The following CLCN5 variants were observed in gnomAD, a reference collection of about 807,000 sequenced individuals.
CLCN5 encodes the protein H(+)/Cl(-) exchange transporter 5.
A neutral mutation model predicts 54.0 loss-of-function variants in CLCN5; 17 were observed. The observed-to-expected ratio is 0.31, with a 90% CI of 0.22 to 0.47. The LOEUF is 0.47. Ranked by LOEUF, CLCN5 falls within the 20% of genes least tolerant of loss-of-function variation. CLCN5 has a pLI of 1.00. For missense variants in CLCN5, 448 were observed against 646.7 expected, an observed-to-expected ratio of 0.69 and a Z score of 3.33; for synonymous variants, 222 against 233.0, an observed-to-expected ratio of 0.95 and a Z score of 0.43.
chrX:50,071,079 A>G (rs1557191484), intron 5 of CLCN5, among the ~76,000 whole-genome samples: 1 of 110,091 alleles, frequency 9.1e-6, no homozygotes, highest in African/African-American at 3.3e-5. Context: ...TCCCAAGTTC[A>G]TGATTTCCTC....
chrX:50,060,627 G>A lies in CLCN5; in HGVS notation c.164-9252G>A, dbSNP rs1241014551. Among the ~76,000 whole-genome samples the A allele has an allele frequency of 1.9e-3, 206 of 111,088 alleles. 1 individual carries two copies. The highest frequency in any genetic ancestry group is 4.2e-3 in the South Asian group (11 of 2,638). ...GCTTGCTTAGGTAAACAAAGCAGCG[G>A]GGAAGCTCGAACTGGGTGGAGCCCA... On this transcript the variant is annotated intron_variant, in intron 4 of 14. Transcript: ENST00000376091.
chrX:49,937,470 G>C (rs1926060859), intron 3 of CLCN5, among the ~76,000 whole-genome samples: 1 of 111,906 alleles, frequency 8.9e-6, no homozygotes, highest in Admixed American at 9.5e-5. Flanking sequence ...TAGTGGTTGA[G>C]GTGAGAGATC....
chrX:50,040,142 C>T (rs1932162400), intron 3 of CLCN5, among the ~76,000 whole-genome samples: 1 of 112,190 alleles, frequency 8.9e-6, no homozygotes, highest in African/African-American at 3.2e-5. Context: ...GAAGCAGAAG[C>T]AGAGACAGGA....
Position 49,925,772 on chromosome X carries a change from A to G in CLCN5, c.16+458A>G, listed in dbSNP as rs372959409. 8.0e-5 allele frequency among the ~76,000 whole-genome samples: 9 copies of G among 112,356 alleles called. No homozygotes were observed. In the East Asian group the frequency reaches 8.4e-4, roughly 10 times the overall value. ...TTTGAAAGAGCATATTTAATGTTACAGTGTTTATATTTGATACAATATAAA... is the reference window on the plus strand; with the variant it reads ...TTTGAAAGAGCATATTTAATGTTACGGTGTTTATATTTGATACAATATAAA... On this transcript the variant is annotated intron_variant, in intron 3 of 14. Coordinates refer to ENST00000376091, the MANE Select transcript of CLCN5 (RefSeq NM_001127898.4).
chrX:50,004,835 G>A (rs782487651), intron 3 of CLCN5, among the ~76,000 whole-genome samples: 23 of 111,479 alleles, frequency 2.1e-4, no homozygotes, highest in African/African-American at 6.2e-4. Context: ...GCTTGAACCC[G>A]GGAGGCGGAG....
At chrX:50,002,586 CT>C (rs1929890670) in intron 3 of CLCN5, among the ~76,000 whole-genome samples, 1 of 111,138 alleles carries the variant, frequency 9.0e-6, no homozygotes, top group Non-Finnish European at 1.9e-5. Context: ...ACTAATCCAG[CT>C]TTTCCCTGGG....
At chrX:49,944,869 C>T (rs1336394939) in intron 3 of CLCN5, among the ~76,000 whole-genome samples, 2 of 111,456 alleles carry the variant, frequency 1.8e-5, no homozygotes, top group Admixed American at 1.9e-4. Flanking sequence ...AATACACCCA[C>T]TTTTATATCA....
intron 3 of CLCN5, among the ~76,000 whole-genome samples, chrX:49,938,230 T>C (rs1351754079): frequency 9.0e-6 from 1 of 111,620 alleles, no homozygotes; most frequent in African/African-American, 3.3e-5. Context: ...AATTTATAGA[T>C]TCAATGCCAT....
intron 3 of CLCN5, among the ~76,000 whole-genome samples, chrX:49,988,409 A>G (rs894333432): frequency 9.0e-6 from 1 of 111,407 alleles, no homozygotes; most frequent in African/African-American, 3.3e-5. Flanking sequence ...TGACTTCCTT[A>G]TTTATGAACC....
chrX:49,936,127 A>G (rs782799082), intron 3 of CLCN5, among the ~76,000 whole-genome samples: 9 of 111,875 alleles, frequency 8.0e-5, no homozygotes, highest in South Asian at 3.8e-4. Flanking sequence ...ACTAGATTCT[A>G]TGTAGTGATG....
chrX:50,066,000 TG>T (rs1294853727), intron 4 of CLCN5, among the ~76,000 whole-genome samples: 47 of 54,345 alleles, frequency 8.6e-4, no homozygotes, highest in Non-Finnish European at 6.5e-4. Context: ...TATCACACTC[TG>T]GGGACTGTGG....
chrX:50,038,356 T>G (rs1402613460), intron 3 of CLCN5, among the ~76,000 whole-genome samples: 2 of 111,637 alleles, frequency 1.8e-5, no homozygotes, highest in South Asian at 3.8e-4. Context: ...ATATTAACAA[T>G]GTAAAGACCT....
At chrX:50,009,398 C>G (rs1250876179) in intron 3 of CLCN5, among the ~76,000 whole-genome samples, 3 of 112,135 alleles carry the variant, frequency 2.7e-5, no homozygotes, top group Admixed American at 1.9e-4. Context: ...TCTGTACCAT[C>G]TTCCAACATG....
At chrX:49,990,690 G>A (rs955858539) in intron 3 of CLCN5, among the ~76,000 whole-genome samples, 10 of 111,655 alleles carry the variant, frequency 9.0e-5, no homozygotes, top group African/African-American at 3.3e-4. Context: ...TGCCTGCCTC[G>A]GCCTCTCAAA....
In CLCN5 at chrX:49,934,808, A is replaced by G. The variant is rs782632908; in HGVS notation, c.16+9494A>G. ...TCCCTCCTTCCCAAAGACAAGCACG[A>G]TAAGTTACATCGTTGACATCTTCTG... On this transcript the variant is annotated intron_variant, in intron 3 of 14. Transcript: ENST00000376091. 3.6e-5 allele frequency among the ~76,000 whole-genome samples: 4 copies of G among 111,821 alleles called. No homozygotes were observed. In the South Asian group the frequency reaches 1.5e-3, roughly 42 times the overall value.
In CLCN5 at chrX:50,090,683, G is replaced by A; in HGVS notation, c.2157G>A (p.Lys719=). ...DLIISIENAR[K]KQDGVVSTSI... ...CTGTTTGAATAGAAAATGCTCGAAA[G>A]AAACAGGATGGGGTTGTTAGCACTT... The change falls in exon 14 of 15, where the codon AAG becomes AAA. Residue 719 remains lysine (K), a synonymous_variant. Transcript: ENST00000376091. 8.3e-7 allele frequency: 1 copy of A among 1,208,431 alleles called. No homozygotes were observed. The highest frequency in any genetic ancestry group is 1.1e-6 in the Non-Finnish European group (1 of 893,618).
Position 49,981,712 on chromosome X carries a change from A to G in CLCN5, c.16+56398A>G, listed in dbSNP as rs1557177724. 2.9e-5 allele frequency among the ~76,000 whole-genome samples: 3 copies of G among 102,706 alleles called. No homozygotes were observed. In the South Asian group the frequency reaches 1.3e-3, roughly 45 times the overall value. The allele number at this position is 102,706 out of a possible 115,157, so 89.2% of individuals were successfully genotyped here. On this transcript the variant is annotated intron_variant, in intron 3 of 14. Coordinates refer to ENST00000376091, the MANE Select transcript of CLCN5 (RefSeq NM_001127898.4). ...TTGAACCTTTTTTTTTTTTTTTGAG[A>G]GTGAAAAGCAAAAGAACTCAGAGAA...
At chrX:50,018,737 T>A (rs1930910833) in intron 3 of CLCN5, among the ~76,000 whole-genome samples, 2 of 112,583 alleles carry the variant, frequency 1.8e-5, no homozygotes, top group African/African-American at 6.4e-5. Context: ...TTAAGCCTGT[T>A]AATATGCTAG....
At chrX:50,060,721 AAGAT>A (rs1386552457) in intron 4 of CLCN5, among the ~76,000 whole-genome samples, 1 of 111,924 alleles carries the variant, frequency 8.9e-6, no homozygotes. Flanking sequence ...GACAAACAAA[AAGAT>A]AGCAGTAACC....
Sources: gnomAD v4.1 joint callset for allele counts (sites outside exome capture counted in the v4.1 genomes callset) on GRCh38, gnomAD v4.1.1 for gene constraint, MANE v1.5 for transcripts, NCBI Gene and HGNC (gene_info 2026-07-23, HGNC 2026-07-21) for gene names.